The following PPIL3 variants were observed in gnomAD, a reference collection of about 807,000 sequenced individuals.
PPIL3 encodes the protein peptidylprolyl isomerase like 3.
In PPIL3, 13 loss-of-function variants were observed where a neutral mutation model predicts 20.9. That is an observed-to-expected ratio of 0.62 (90% CI 0.40 to 0.99). The LOEUF (loss-of-function observed/expected upper bound fraction) is 0.99. Among genes scored for constraint, PPIL3 ranks in the 50% least tolerant of loss-of-function variants. PPIL3 has a pLI of 0.00. For missense variants in PPIL3, 170 were observed against 195.2 expected, an observed-to-expected ratio of 0.87 and a Z score of 0.77; for synonymous variants, 71 against 64.4, an observed-to-expected ratio of 1.10 and a Z score of -0.49.
At chr2:200,885,476 T>A in intron 3 of PPIL3, 1 of 447,312 alleles carries the variant, frequency 2.2e-6, no homozygotes, top group East Asian at 3.7e-5. Context: ...AAAAAGATAC[T>A]GGCTACTCTA....
chr2:200,874,604 G>A (rs4035021), intron 6 of PPIL3, among the ~76,000 whole-genome samples: 47,593 of 152,028 alleles, frequency 0.31, 8,521 homozygotes, highest in East Asian at 0.57. Flanking sequence ...CGCAAATCCA[G>A]TAAAATGAGT....
In PPIL3 at chr2:200,881,478, T is replaced by G. The variant is rs372032358; in HGVS notation, c.183A>C (p.Arg61Ser). The G allele has an allele frequency of 6.2e-7, 1 of 1,612,766 alleles. No individual in the cohort carries two copies. Among genetic ancestry groups the G allele is most frequent in the South Asian group, 1.1e-5 (1 of 90,924 alleles). ...TCTTGCCCCAAATACTGTTGCCTCC[T>G]CTTCCAGTTCCTACATTACAAGTGA... Reference protein sequence around the residue: ...VQTGDPTGTGRGGNSIWGKKF... With the variant: ...VQTGDPTGTGSGGNSIWGKKF... The change falls in exon 5 of 7, where the codon AGA (arginine) becomes AGC (serine). Residue 61 changes from arginine (R) to serine (S), a missense_variant. Transcript: ENST00000392283.
intron 2 of PPIL3, among the ~76,000 whole-genome samples, chr2:200,887,238 T>C (rs2039966544): frequency 6.6e-6 from 1 of 151,640 alleles, no homozygotes; most frequent in Non-Finnish European, 1.5e-5. Flanking sequence ...TACAAAAAAT[T>C]AGCTGGGCGT....
intron 4 of PPIL3, among the ~76,000 whole-genome samples, chr2:200,882,121 T>C (rs1453509195): frequency 6.6e-6 from 1 of 152,188 alleles, no homozygotes; most frequent in African/African-American, 2.4e-5. Flanking sequence ...AGCTAATGCA[T>C]GCTGGGCTTA....
intron 3 of PPIL3, among the ~76,000 whole-genome samples, chr2:200,883,718 C>G (rs554547486): frequency 6.6e-6 from 1 of 152,302 alleles, no homozygotes; most frequent in East Asian, 1.9e-4. Flanking sequence ...TTGCTCATCA[C>G]TGTATCTCCA....
At chr2:200,885,337 C>T (rs2039891499) in intron 3 of PPIL3, 3 of 361,250 alleles carry the variant, frequency 8.3e-6, no homozygotes, top group Non-Finnish European at 1.5e-5. Context: ...CGCCATTGTA[C>T]TCCAGCCTGG....
At position 200,881,460 on chromosome 2, in the gene PPIL3, C is replaced by T; in HGVS notation, c.201G>A (p.Trp67Ter). ...TGTGRGGNSI[W>*]GKKFEDEYSE... is the part of the protein sequence containing the mutation. ...TGTATTCATCCTCAAACTTCTTGCCCCAAATACTGTTGCCTCCTCTTCCAG... is the reference window on the plus strand; with the variant it reads ...TGTATTCATCCTCAAACTTCTTGCCTCAAATACTGTTGCCTCCTCTTCCAG... Residue 67 changes from tryptophan (W) to a stop codon, truncating the protein, a stop_gained, in exon 5 of 7, where the codon TGG becomes TGA. Transcript: ENST00000392283. LOFTEE classifies it high-confidence loss of function. 1 of 1,613,204 alleles carries T rather than the reference C, an allele frequency of 6.2e-7. No individual in the cohort carries two copies.
intron 6 of PPIL3, among the ~76,000 whole-genome samples, chr2:200,872,382 A>T (rs2039337489): frequency 6.6e-6 from 1 of 151,928 alleles, no homozygotes; most frequent in Admixed American, 6.6e-5. Context: ...AAGCTCTCAA[A>T]CCCTGTTTAG....
chr2:200,888,950 C>A lies in PPIL3; in HGVS notation c.-71+6G>T, dbSNP rs565199344. ...GAATGAAAGAATTAATGACGTTACT[C>A]CATACTTGGGCTTCACCACTTCGTC... On this transcript the variant is annotated splice_donor_region_variant and intron_variant, in intron 1 of 6. Coordinates refer to ENST00000392283, the MANE Select transcript of PPIL3 (RefSeq NM_130906.3). 2.1e-6 allele frequency: 1 copy of A among 471,206 alleles called. No homozygotes were observed. Among genetic ancestry groups the A allele is most frequent in the Non-Finnish European group, 4.4e-6 (1 of 227,064 alleles). 29.2% of individuals were successfully genotyped at this position (471,206 alleles called of 1,614,324 possible).
intron 4 of PPIL3, 39 bp from the exon 5 acceptor site, chr2:200,881,527 T>C (rs985935757): frequency 1.3e-6 from 2 of 1,553,820 alleles, no homozygotes; most frequent in African/African-American, 2.7e-5. Flanking sequence ...AAGTATTTAA[T>C]TAAATTGAAA....
At chr2:200,887,348 G>T (rs2124844213) in intron 2 of PPIL3, among the ~76,000 whole-genome samples, 1 of 133,818 alleles carries the variant, frequency 7.5e-6, no homozygotes, top group South Asian at 2.3e-4. Context: ...TTACACCACT[G>T]CACTCCAGCC....
At chr2:200,877,973 G>A (rs2039584524) in intron 5 of PPIL3, among the ~76,000 whole-genome samples, 1 of 152,194 alleles carries the variant, frequency 6.6e-6, no homozygotes, top group Non-Finnish European at 1.5e-5. Context: ...CTATGTTACA[G>A]GGAGGTGCCT....
At chr2:200,872,911 C>A (rs1482783608) in intron 6 of PPIL3, among the ~76,000 whole-genome samples, 1 of 149,842 alleles carries the variant, frequency 6.7e-6, no homozygotes, top group Non-Finnish European at 1.5e-5. Context: ...TCGCTCTGGT[C>A]CCCCAGACTG....
intron 2 of PPIL3, chr2:200,886,925 A>G (rs965974779): frequency 4.6e-5 from 7 of 152,286 alleles, no homozygotes; most frequent in Admixed American, 3.3e-4. Flanking sequence ...TCCGCCTCCC[A>G]AAGTGCTGGG....
At chr2:200,882,705 C>A (rs1357454656) in intron 3 of PPIL3, among the ~76,000 whole-genome samples, 1 of 151,810 alleles carries the variant, frequency 6.6e-6, no homozygotes, top group African/African-American at 2.4e-5. Context: ...GTCAGAAGAT[C>A]GAGACCATCC....
chr2:200,887,923 G>A (rs1260188177), intron 1 of PPIL3, among the ~76,000 whole-genome samples: 1 of 152,036 alleles, frequency 6.6e-6, no homozygotes, highest in Non-Finnish European at 1.5e-5. Context: ...CGGGTGTGGT[G>A]GCAGGCGCCT....
At chr2:200,888,218 C>G (rs954973107) in intron 1 of PPIL3, 5 of 152,118 alleles carry the variant, frequency 3.3e-5, no homozygotes, top group Non-Finnish European at 7.3e-5. Context: ...GATACCTTCC[C>G]TTAGGGTCCA....
At chr2:200,882,061 C>T (rs2039752087) in intron 4 of PPIL3, among the ~76,000 whole-genome samples, 1 of 152,082 alleles carries the variant, frequency 6.6e-6, no homozygotes, top group Non-Finnish European at 1.5e-5. Flanking sequence ...CAACACACAG[C>T]AGGGCTAGTT....
At chr2:200,888,261 A>G (rs894163871) in intron 1 of PPIL3, 1 of 151,886 alleles carries the variant, frequency 6.6e-6, no homozygotes, top group Non-Finnish European at 1.5e-5. Flanking sequence ...TGGAATTCTT[A>G]TACTCAGACA....
Sources: allele counts gnomAD v4.1 joint callset (sites outside exome capture counted in the v4.1 genomes callset), GRCh38; gene constraint gnomAD v4.1.1; transcripts MANE v1.5; gene names NCBI Gene and HGNC (gene_info 2026-07-23, HGNC 2026-07-21).